RDH13: variants seen among roughly 807,000 people sequenced by gnomAD.
RDH13 encodes retinol dehydrogenase 13.
In RDH13, 35 loss-of-function variants were observed where a neutral mutation model predicts 28.3. The ratio of observed to expected loss-of-function variants is 1.24; its 90% CI spans 0.95 to 1.64. The LOEUF is 1.64. RDH13 is among the 40% of genes most tolerant of loss of function. RDH13 has a pLI of 0.00. For missense variants in RDH13, 514 were observed against 446.3 expected (o/e 1.15, Z -1.37); for synonymous variants, 229 against 198.5 (o/e 1.15, Z -1.29).
chr19:55,047,558 C>A, intron 5 of RDH13, 70 bp from the exon 6 acceptor site: 2 of 1,527,332 alleles, frequency 1.3e-6, no homozygotes, highest in Non-Finnish European at 1.8e-6. Flanking sequence ...GCAGCCCACA[C>A]CCAGCTGTGG....
intron 6 of RDH13, chr19:55,047,049 G>A (rs889552862): frequency 3.1e-6 from 3 of 981,692 alleles, no homozygotes; most frequent in African/African-American, 1.7e-5. Flanking sequence ...CAGGCTCAGA[G>A]GGGTAACAGC....
chr19:55,053,393 T>C (rs955447327), intron 3 of RDH13, among the ~76,000 whole-genome samples: 14 of 151,816 alleles, frequency 9.2e-5, no homozygotes, highest in Admixed American at 5.3e-4. Context: ...TGGTGGCTCA[T>C]GCCTGTAATC....
downstream of RDH13, chr19:55,042,169 G>T (rs1278339741): frequency 6.7e-6 from 1 of 149,030 alleles, no homozygotes; most frequent in East Asian, 2.0e-4. Flanking sequence ...AAGGAAAGCT[G>T]GCTTTCTAGT....
At chr19:55,048,804 C>G (rs1446525178) in intron 3 of RDH13, 41 bp from the exon 4 acceptor site, 1 of 1,536,658 alleles carries the variant, frequency 6.5e-7, no homozygotes, top group South Asian at 1.1e-5. Context: ...CCGGTGAGGA[C>G]AGACCCCAGC....
intron 3 of RDH13, among the ~76,000 whole-genome samples, chr19:55,052,905 G>A (rs957840016): frequency 9.3e-5 from 14 of 150,910 alleles, no homozygotes; most frequent in African/African-American, 1.7e-4. Flanking sequence ...CTTGTGATCC[G>A]CCCGCCTCAG....
At chr19:55,056,172 AAAC>A (rs775822525) in intron 3 of RDH13, among the ~76,000 whole-genome samples, 5 of 150,364 alleles carry the variant, frequency 3.3e-5, no homozygotes, top group Non-Finnish European at 5.9e-5. Flanking sequence ...CAAACAAACA[AAAC>A]AAAGTCAGCC....
intron 6 of RDH13, chr19:55,046,351 C>A (rs2075231799): frequency 6.6e-6 from 1 of 151,540 alleles, no homozygotes; most frequent in South Asian, 2.1e-4. Flanking sequence ...CAACCTCTGC[C>A]TCCCGGGTTC....
intron 3 of RDH13, among the ~76,000 whole-genome samples, chr19:55,051,373 C>T (rs549977566): frequency 1.4e-4 from 21 of 152,292 alleles, no homozygotes; most frequent in Non-Finnish European, 2.9e-4. Flanking sequence ...AGACTCCACT[C>T]ACAGCTGGGC....
upstream of RDH13, among the ~76,000 whole-genome samples, chr19:55,064,822 A>G (rs1187728495): frequency 6.7e-6 from 1 of 150,250 alleles, no homozygotes; most frequent in African/African-American, 2.4e-5. Flanking sequence ...CATGTTGGCC[A>G]GGTTGGTCTC....
At chr19:55,068,047 CTCTCTCTTTCTCCCCCA>C (rs1337833226), upstream of RDH13, among the ~76,000 whole-genome samples, 8 of 147,850 alleles carry the variant, frequency 5.4e-5, no homozygotes, top group Admixed American at 1.4e-4. Context: ...CTCCTTCTCT[CTCTCTCTTTCTCCCCCA>C]TCTCTCTTTC....
chr19:55,058,205 AG>A (rs996163592), intron 2 of RDH13, among the ~76,000 whole-genome samples: 3 of 151,902 alleles, frequency 2.0e-5, no homozygotes, highest in African/African-American at 7.2e-5. Flanking sequence ...TGAGGTCAGG[AG>A]TTCAAGACCA....
intron 3 of RDH13, chr19:55,053,806 C>T (rs11084386): frequency 0.15 from 22,120 of 152,132 alleles, 1,849 homozygotes; most frequent in African/African-American, 0.22. Context: ...CTCAGTGCTC[C>T]GGACACCTGT....
chr19:55,067,782 G>A (rs2075986134), upstream of RDH13: 1 of 152,252 alleles, frequency 6.6e-6, no homozygotes. Flanking sequence ...ACCAGGGAAA[G>A]TCAACCAACT....
intron 5 of RDH13, 66 bp from the exon 6 acceptor site, chr19:55,047,554 C>T (rs3745913): frequency 0.15 from 228,558 of 1,531,950 alleles, 18,349 homozygotes; most frequent in Admixed American, 0.27. Flanking sequence ...TGTGGCAGCC[C>T]ACACCCAGCT....
At chr19:55,043,796 G>C (rs555843612), downstream of RDH13, among the ~76,000 whole-genome samples, 3 of 152,142 alleles carry the variant, frequency 2.0e-5, no homozygotes, top group Non-Finnish European at 4.4e-5. Context: ...TAAGCTAAGA[G>C]CCCCTTCATC....
At position 55,045,406 on chromosome 19, in the gene RDH13, CA is replaced by C. The variant is rs1480964432; in HGVS notation, c.761-98del. On this transcript the variant is annotated intron_variant, in intron 6 of 6. Coordinates refer to ENST00000415061, the MANE Select transcript of RDH13 (RefSeq NM_001145971.2). ...AGGGAGCTCCGGGTCCCTGGAGTCC[CA>C]CAGAGCCCTCCTCTAGCCCTTTCCC... 3.3e-6 allele frequency: 3 copies of C among 895,760 alleles called. No homozygotes were observed. The East Asian group carries it at 7.4e-5, about 22-fold the overall frequency. 55.5% of individuals were successfully genotyped at this position (895,760 alleles called of 1,614,324 possible).
intron 3 of RDH13, among the ~76,000 whole-genome samples, chr19:55,049,469 A>G (rs1486678729): frequency 6.6e-6 from 1 of 152,174 alleles, no homozygotes; most frequent in Non-Finnish European, 1.5e-5. Flanking sequence ...GTTCCGTAAC[A>G]AAGTGCCACA....
Position 55,063,040 on chromosome 19 carries a change from CG to C in RDH13, c.-9del. ...CAGCAGGTAGCGGCTCATGCCGGGCCGGGGACAGGCGTCAGGCGTCAGGGGT... is the reference window on the plus strand; with the variant it reads ...CAGCAGGTAGCGGCTCATGCCGGGCCGGGACAGGCGTCAGGCGTCAGGGGT... On this transcript the variant is annotated 5_prime_UTR_variant, in exon 1 of 7. Transcript: ENST00000415061. 2.4e-6 allele frequency: 3 copies of C among 1,270,894 alleles called. No individual in the cohort carries two copies. The highest frequency in any genetic ancestry group is 3.0e-6 in the Non-Finnish European group (3 of 1,001,020). 78.7% of individuals were successfully genotyped at this position (1,270,894 alleles called of 1,614,324 possible). A position where few individuals can be genotyped will look rare whatever the true frequency, so the allele number is the denominator to read the frequency against.
downstream of RDH13, among the ~76,000 whole-genome samples, chr19:55,043,839 C>T (rs1259405837): frequency 6.6e-6 from 1 of 152,158 alleles, no homozygotes; most frequent in African/African-American, 2.4e-5. Context: ...TCTAACACAG[C>T]AGTCTTGTAA....
Sources: allele counts gnomAD v4.1 joint callset (sites outside exome capture counted in the v4.1 genomes callset), GRCh38; gene constraint gnomAD v4.1.1; transcripts MANE v1.5; gene names NCBI Gene and HGNC (gene_info 2026-07-23, HGNC 2026-07-21).